The following LRRC4C variants were observed in gnomAD, a reference collection of about 807,000 sequenced individuals.
LRRC4C encodes leucine-rich repeat-containing protein 4C.
Under a neutral mutation model 33.6 loss-of-function variants are expected in LRRC4C, and 5 were observed. The ratio of observed to expected loss-of-function variants is 0.15; its 90% CI spans 0.08 to 0.31. The LOEUF is 0.31. LRRC4C is among the 10% of genes least tolerant of loss of function. LRRC4C has a pLI of 1.00. For missense variants in LRRC4C, 560 were observed against 796.7 expected (o/e 0.70, Z 3.58); for synonymous variants, 329 against 302.0 (o/e 1.09, Z -0.93).
chr11:40,443,403 A>G (rs1952873175), intron 3 of LRRC4C, among the ~76,000 whole-genome samples: 1 of 152,220 alleles, frequency 6.6e-6, no homozygotes, highest in South Asian at 2.1e-4. Flanking sequence ...TTGAATTACC[A>G]AATTCCTATA....
chr11:41,210,315 G>C (rs1445714296), intron 1 of LRRC4C, among the ~76,000 whole-genome samples: 2 of 152,208 alleles, frequency 1.3e-5, no homozygotes, highest in South Asian at 4.2e-4. Flanking sequence ...GAATCATGGG[G>C]GCGGTTTTCC....
At chr11:41,177,703 A>G (rs550812943) in intron 1 of LRRC4C, among the ~76,000 whole-genome samples, 2 of 152,288 alleles carry the variant, frequency 1.3e-5, no homozygotes, top group East Asian at 3.9e-4. Context: ...CTCAAACTAG[A>G]AATTCTAATT....
At chr11:40,133,702 T>C (rs1228055351) in intron 6 of LRRC4C, among the ~76,000 whole-genome samples, 3 of 152,166 alleles carry the variant, frequency 2.0e-5, no homozygotes, top group Admixed American at 1.3e-4. Context: ...GGAGTGTGTA[T>C]GATTGCGTAG....
intron 2 of LRRC4C, among the ~76,000 whole-genome samples, chr11:40,721,588 G>A: frequency 6.6e-6 from 1 of 152,186 alleles, no homozygotes; most frequent in East Asian, 1.9e-4. Flanking sequence ...AAGCCTGGTT[G>A]GGTAGATACC....
At chr11:40,973,177 A>G (rs1851845609) in intron 1 of LRRC4C, among the ~76,000 whole-genome samples, 1 of 152,096 alleles carries the variant, frequency 6.6e-6, no homozygotes, top group Non-Finnish European at 1.5e-5. Flanking sequence ...TCTTTTCTAT[A>G]CAAATTACCT....
intron 1 of LRRC4C, among the ~76,000 whole-genome samples, chr11:41,404,556 ACACACACC>A (rs1231711949): frequency 6.0e-4 from 69 of 115,368 alleles, no homozygotes; most frequent in Non-Finnish European, 2.5e-4. Context: ...ACACACACAC[ACACACACC>A]CCCCGAGGTT....
intron 4 of LRRC4C, among the ~76,000 whole-genome samples, chr11:40,310,006 C>T (rs762860218): frequency 6.6e-6 from 1 of 152,036 alleles, no homozygotes; most frequent in Non-Finnish European, 1.5e-5. Context: ...TGGAGGCAAC[C>T]TAATGTAGAA....
At chr11:41,298,303 G>T (rs1950196513) in intron 1 of LRRC4C, among the ~76,000 whole-genome samples, 2 of 152,078 alleles carry the variant, frequency 1.3e-5, no homozygotes, top group South Asian at 4.1e-4. Context: ...TCCTAGCAAG[G>T]CCTTGTCTTT....
At chr11:40,887,044 A>G (rs1955501232) in intron 2 of LRRC4C, among the ~76,000 whole-genome samples, 1 of 151,402 alleles carries the variant, frequency 6.6e-6, no homozygotes, top group Non-Finnish European at 1.5e-5. Context: ...ATATACATAT[A>G]GAAAGTAGCC....
intron 3 of LRRC4C, among the ~76,000 whole-genome samples, chr11:40,427,377 C>G (rs538919109): frequency 6.6e-6 from 1 of 152,152 alleles, no homozygotes; most frequent in African/African-American, 2.4e-5. Flanking sequence ...CATGGTGGTG[C>G]ACACCTGCAA....
chr11:40,635,728 C>T (rs994688363), intron 3 of LRRC4C, among the ~76,000 whole-genome samples: 5 of 150,630 alleles, frequency 3.3e-5, no homozygotes, highest in African/African-American at 1.2e-4. Context: ...GCTCCGCCTC[C>T]CGGGTTCAGG....
At chr11:40,424,091 A>C (rs1036659352) in intron 3 of LRRC4C, among the ~76,000 whole-genome samples, 27 of 152,208 alleles carry the variant, frequency 1.8e-4, no homozygotes, top group Non-Finnish European at 2.9e-5. Flanking sequence ...CAAAGCAGGA[A>C]GGTAAATACA....
At chr11:40,169,710 C>A (rs1859886055) in intron 5 of LRRC4C, among the ~76,000 whole-genome samples, 2 of 152,052 alleles carry the variant, frequency 1.3e-5, no homozygotes. Context: ...ATGATCTATT[C>A]TAGATCTTAC....
intron 2 of LRRC4C, among the ~76,000 whole-genome samples, chr11:40,929,127 C>T (rs903936331): frequency 6.6e-6 from 1 of 152,178 alleles, no homozygotes; most frequent in African/African-American, 2.4e-5. Context: ...TGGTATTAGA[C>T]ACTTCCTCTT....
At chr11:41,330,408 C>A (rs145511579) in intron 1 of LRRC4C, among the ~76,000 whole-genome samples, 73 of 152,150 alleles carry the variant, frequency 4.8e-4, no homozygotes, top group African/African-American at 1.7e-3. Flanking sequence ...GAAAGTGTTA[C>A]AATTTTTCTT....
chr11:41,156,537 C>A (rs1429934843), intron 1 of LRRC4C, among the ~76,000 whole-genome samples: 1 of 151,996 alleles, frequency 6.6e-6, no homozygotes, highest in African/African-American at 2.4e-5. Flanking sequence ...AGTCATTTTG[C>A]AAACACCGTG....
At chr11:41,250,755 T>C (rs897751044) in intron 1 of LRRC4C, among the ~76,000 whole-genome samples, 2 of 152,208 alleles carry the variant, frequency 1.3e-5, no homozygotes, top group Admixed American at 6.5e-5. Flanking sequence ...CTCTGCTAAA[T>C]TGAACTTGAC....
intron 3 of LRRC4C, among the ~76,000 whole-genome samples, chr11:40,437,927 C>T (rs375536038): frequency 4.6e-5 from 7 of 152,122 alleles, no homozygotes; most frequent in African/African-American, 7.2e-5. Flanking sequence ...AGGATGGTCT[C>T]GATCTCTTGA....
chr11:41,413,381 T>C (rs1050520950), intron 1 of LRRC4C, among the ~76,000 whole-genome samples: 4 of 152,174 alleles, frequency 2.6e-5, no homozygotes, highest in Non-Finnish European at 5.9e-5. Context: ...AGTTAATTAA[T>C]GAAAAGTGGT....
Sources: allele counts gnomAD v4.1 joint callset (sites outside exome capture counted in the v4.1 genomes callset), GRCh38; gene constraint gnomAD v4.1.1; transcripts MANE v1.5; gene names NCBI Gene and HGNC (gene_info 2026-07-23, HGNC 2026-07-21).